Variants in GAD2 observed in about 807,000 individuals in gnomAD.
GAD2 encodes the protein glutamate decarboxylase 2.
GAD2 carries 22 observed loss-of-function variants against 80.1 expected under a neutral mutation model. The ratio of observed to expected loss-of-function variants is 0.27; its 90% confidence interval spans 0.20 to 0.39. The LOEUF (loss-of-function observed/expected upper bound fraction) is 0.39, where lower values mean the gene tolerates loss of function less well. GAD2 is among the 10% of genes least tolerant of loss of function. The pLI is 1.00. For synonymous variants in GAD2, 274 were observed against 256.9 expected, an observed-to-expected ratio of 1.07 and a Z score of -0.64; for missense variants, 624 against 738.4, an observed-to-expected ratio of 0.85 and a Z score of 1.80.
At chr10:26,276,309 G>A (rs56405990) in intron 11 of GAD2, among the ~76,000 whole-genome samples, 39,841 of 152,004 alleles carry the variant, frequency 0.26, 6,374 homozygotes, top group African/African-American at 0.44. Flanking sequence ...AGATGGTGCC[G>A]CTGAGAGGGC....
At chr10:26,230,214 C>T (rs191828092) in intron 7 of GAD2, among the ~76,000 whole-genome samples, 147 of 152,114 alleles carry the variant, frequency 9.7e-4, no homozygotes, top group Middle Eastern at 3.4e-3. Context: ...TCCTACCCTT[C>T]GCTTCTGCGC....
In GAD2 at chr10:26,302,204, C is replaced by G. The variant is rs1834335706; in HGVS notation, c.*1243C>G. ...CCCCATTCCTCCCCACAAAGTCTCT[C>G]CCACTAGACTCCCTACCACTGGGAC... On this transcript the variant is annotated 3_prime_UTR_variant, in exon 16 of 16. Coordinates refer to ENST00000376261, the MANE Select transcript of GAD2 (RefSeq NM_001134366.2). 1 of 152,052 alleles carries G rather than the reference C, an allele frequency of 6.6e-6. No homozygotes were observed. Among genetic ancestry groups the G allele is most frequent in the Admixed American group, 6.6e-5 (1 of 15,264 alleles). 9.4% of individuals were successfully genotyped at this position (152,052 alleles called of 1,614,324 possible). A position where few individuals can be genotyped will look rare whatever the true frequency, so the allele number is the denominator to read the frequency against.
At chr10:26,249,750 G>A (rs574191812) in intron 8 of GAD2, among the ~76,000 whole-genome samples, 1 of 152,210 alleles carries the variant, frequency 6.6e-6, no homozygotes, top group Non-Finnish European at 1.5e-5. Flanking sequence ...GGGAACAAGG[G>A]GCCTGCCTGA....
At chr10:26,216,716 G>C (rs918607435), upstream of GAD2, 7 of 1,063,242 alleles carry the variant, frequency 6.6e-6, no homozygotes, top group South Asian at 1.1e-4. The surrounding 1 kb of genome is among the most constrained non-coding windows in gnomAD (Gnocchi z 4.7). Context: ...CCCTCCTCCC[G>C]CCACACGGGC....
At chr10:26,252,745 G>GGCTCACTACAACC (rs1844894788) in intron 8 of GAD2, among the ~76,000 whole-genome samples, 1 of 151,644 alleles carries the variant, frequency 6.6e-6, no homozygotes, top group Non-Finnish European at 1.5e-5. Flanking sequence ...TACAACCTCT[G>GGCTCACTACAACC]CCTCCAGGGT....
At chr10:26,224,744 T>C in intron 6 of GAD2, 93 bp downstream of exon 6, 1 of 853,660 alleles carries the variant, frequency 1.2e-6, no homozygotes, top group Non-Finnish European at 1.9e-6. Context: ...AGCCTATGCC[T>C]CTGCTTAGGT....
chr10:26,273,495 C>G, intron 10 of GAD2, 141 bp from the exon 11 acceptor site: 1 of 708,564 alleles, frequency 1.4e-6, no homozygotes, highest in Non-Finnish European at 2.5e-6. Context: ...GGTGTAAACT[C>G]TGAAGGTTAG....
At chr10:26,223,808 T>C in intron 4 of GAD2, 79 bp from the exon 5 acceptor site, 1 of 908,050 alleles carries the variant, frequency 1.1e-6, no homozygotes, top group Non-Finnish European at 1.8e-6. Flanking sequence ...CAAGGTCCTT[T>C]AGCTAGAGAA....
intron 8 of GAD2, among the ~76,000 whole-genome samples, chr10:26,259,476 T>C (rs1844983764): frequency 6.6e-6 from 1 of 152,170 alleles, no homozygotes. Context: ...TTAGTGGTGT[T>C]GAGGATTTTT....
chr10:26,238,796 C>G lies in GAD2; in HGVS notation c.841-7125C>G, dbSNP rs138809767. 2.6e-3 allele frequency among the ~76,000 whole-genome samples: 393 copies of G among 152,316 alleles called. 2 individuals carry two copies. Among genetic ancestry groups the G allele is most frequent in the African/African-American group, 9.0e-3 (376 of 41,568 alleles). ...ATGCTTTAGCAAGAGAATGTTCTTT[C>G]GGGCCAGCTGGCGAGCAGAAGTAAG... On this transcript the variant is annotated intron_variant, in intron 7 of 15. Coordinates refer to ENST00000376261, the MANE Select transcript of GAD2 (RefSeq NM_001134366.2).
At chr10:26,257,472 T>A (rs1425865322) in intron 8 of GAD2, among the ~76,000 whole-genome samples, 1 of 152,220 alleles carries the variant, frequency 6.6e-6, no homozygotes, top group East Asian at 1.9e-4. Flanking sequence ...AGGGTACCCC[T>A]GCCATTATCT....
chr10:26,297,727 G>A lies in GAD2; in HGVS notation c.1585-3061G>A, dbSNP rs146086010. On this transcript the variant is annotated intron_variant, in intron 15 of 15. Coordinates refer to ENST00000376261, the MANE Select transcript of GAD2 (RefSeq NM_001134366.2). ...TATTGATGATATCAGTTTGCAAACT[G>A]GGAAGAGACAGCCTCCAGCATGTGT... Among the ~76,000 whole-genome samples the A allele has an allele frequency of 4.9e-3, 747 of 152,286 alleles. 5 individuals carry two copies. Among genetic ancestry groups the A allele is most frequent in the Middle Eastern group, 0.02 (6 of 294 alleles).
At chr10:26,236,168 C>G (rs1844668934) in intron 7 of GAD2, among the ~76,000 whole-genome samples, 4 of 152,168 alleles carry the variant, frequency 2.6e-5, no homozygotes, top group Admixed American at 2.0e-4. Flanking sequence ...GGCTGGAGTA[C>G]AGTGGCACGA....
chr10:26,255,363 G>A (rs932687731), intron 8 of GAD2, among the ~76,000 whole-genome samples: 15 of 152,164 alleles, frequency 9.9e-5, no homozygotes, highest in Admixed American at 5.9e-4. Flanking sequence ...GGAGGGGTGA[G>A]GGCAGAAGGC....
chr10:26,216,689 C>T (rs1844375041), upstream of GAD2: 1 of 633,926 alleles, frequency 1.6e-6, no homozygotes, highest in Non-Finnish European at 2.5e-6. The surrounding 1 kb of genome is among the most constrained non-coding windows in gnomAD (Gnocchi z 4.7). Flanking sequence ...CTCGGCCCCG[C>T]CGGTCCCCGC....
chr10:26,279,220 G>T (rs569422145), intron 11 of GAD2, among the ~76,000 whole-genome samples: 2 of 152,214 alleles, frequency 1.3e-5, no homozygotes, highest in South Asian at 4.1e-4. Context: ...AAGTGAGGGA[G>T]AGAAGCCGCA....
At position 26,217,045 on chromosome 10, in the gene GAD2, C is replaced by G. The variant is rs547264879; in HGVS notation, c.76+160C>G. Among the ~76,000 whole-genome samples, 6 of 152,036 alleles carry G rather than the reference C, an allele frequency of 3.9e-5. No homozygotes were observed. Among genetic ancestry groups the G allele is most frequent in the Non-Finnish European group, 8.8e-5 (6 of 68,002 alleles). Reference sequence around the variant, plus strand: ...CTAAGTCCTTGACGGCCCAAGAGCTCAAGACCTCTACAGCCTCTTGTACCC... The same window carrying G: ...CTAAGTCCTTGACGGCCCAAGAGCTGAAGACCTCTACAGCCTCTTGTACCC... On this transcript the variant is annotated intron_variant, in intron 1 of 15. Coordinates refer to ENST00000376261, the MANE Select transcript of GAD2 (RefSeq NM_001134366.2). The surrounding 1 kb of genome is among the most constrained non-coding windows in gnomAD (Gnocchi z 4.9).
At chr10:26,254,566 TGAAAA>T (rs1406521449) in intron 8 of GAD2, among the ~76,000 whole-genome samples, 3 of 152,130 alleles carry the variant, frequency 2.0e-5, no homozygotes, top group Non-Finnish European at 4.4e-5. Flanking sequence ...TTCAAGGAAC[TGAAAA>T]GAAGAGAGGA....
chr10:26,263,396 T>C (rs1197680568), intron 8 of GAD2, among the ~76,000 whole-genome samples: 1 of 152,222 alleles, frequency 6.6e-6, no homozygotes, highest in Non-Finnish European at 1.5e-5. Flanking sequence ...ATACAAGTAC[T>C]TCTTAAATGG....
Sources: allele counts gnomAD v4.1 joint callset (sites outside exome capture counted in the v4.1 genomes callset), GRCh38; gene constraint gnomAD v4.1.1; non-coding constraint Gnocchi (gnomAD v3.1); transcripts MANE v1.5; gene names NCBI Gene and HGNC (gene_info 2026-07-23, HGNC 2026-07-21).